The following UBR1 variants were observed in gnomAD, a reference collection of about 807,000 sequenced individuals.
UBR1 encodes the protein ubiquitin protein ligase E3 component n-recognin 1.
UBR1 carries 102 observed loss-of-function variants against 242.1 expected under a neutral mutation model. That is an observed-to-expected ratio of 0.42 (90% confidence interval 0.36 to 0.50). The LOEUF (loss-of-function observed/expected upper bound fraction) is 0.50. Among genes scored for constraint, UBR1 ranks in the 20% least tolerant of loss-of-function variants. The probability of loss-of-function intolerance (pLI) is 0.01; values close to 1 mark genes in which losing one functional copy is unlikely to be tolerated. For synonymous variants in UBR1, 675 were observed against 684.8 expected (o/e 0.99, Z 0.22); for missense variants, 1,772 against 2,101.8 (o/e 0.84, Z 3.07).
intron 14 of UBR1, among the ~76,000 whole-genome samples, chr15:43,046,766 T>C (rs1009740241): frequency 1.3e-5 from 2 of 152,198 alleles, no homozygotes; most frequent in Admixed American, 6.5e-5. Flanking sequence ...CTTAAGGAAA[T>C]ACATTAGTTC....
At chr15:42,998,309 G>A (rs966341236) in intron 32 of UBR1, 44 bp from the exon 33 acceptor site, 1 of 1,532,056 alleles carries the variant, frequency 6.5e-7, no homozygotes, top group African/African-American at 1.4e-5. Context: ...TGGGTACAAA[G>A]TCAAATGGAA....
chr15:43,013,258 A>T (rs1423656440), intron 29 of UBR1, among the ~76,000 whole-genome samples: 1 of 152,202 alleles, frequency 6.6e-6, no homozygotes, highest in Non-Finnish European at 1.5e-5. Flanking sequence ...AAAAGGGCCA[A>T]AGTGGGTACT....
At chr15:43,021,115 CAATAA>C in intron 27 of UBR1, 155 bp downstream of exon 27, 2 of 591,826 alleles carry the variant, frequency 3.4e-6, no homozygotes, top group Non-Finnish European at 5.8e-6. Context: ...TTTAAAACTA[CAATAA>C]AATATAGGAA....
At chr15:42,971,604 C>T (rs1168071431) in intron 39 of UBR1, among the ~76,000 whole-genome samples, 1 of 152,190 alleles carries the variant, frequency 6.6e-6, no homozygotes, top group East Asian at 1.9e-4. Flanking sequence ...TTTATCATAT[C>T]TTGAATGAAT....
Position 43,030,175 on chromosome 15 carries a change from T to C in UBR1, c.2255-107A>G, listed in dbSNP as rs1020530741. Reference sequence around the variant, plus strand: ...ACAGAACACTGCATTAAATTAAATCTGTGAGAGAGGGGCAAAAGTTATTTG... The same window carrying C: ...ACAGAACACTGCATTAAATTAAATCCGTGAGAGAGGGGCAAAAGTTATTTG... On this transcript the variant is annotated intron_variant, in intron 20 of 46. Coordinates refer to ENST00000290650, the MANE Select transcript of UBR1 (RefSeq NM_174916.3). The C allele has an allele frequency of 1.8e-5, 24 of 1,304,102 alleles. No homozygotes were observed. In the African/African-American group the frequency reaches 3.1e-4, roughly 17 times the overall value. 80.8% of individuals were successfully genotyped at this position (1,304,102 alleles called of 1,614,324 possible). A position where few individuals can be genotyped will look rare whatever the true frequency, so the allele number is the denominator to read the frequency against.
intron 42 of UBR1, among the ~76,000 whole-genome samples, chr15:42,962,737 G>T (rs1251834484): frequency 6.6e-6 from 1 of 152,124 alleles, no homozygotes; most frequent in African/African-American, 2.4e-5. Context: ...TGATCCACCT[G>T]CCTTGGACTC....
At chr15:43,029,905 T>A in intron 21 of UBR1, 39 bp downstream of exon 21, 1 of 1,611,538 alleles carries the variant, frequency 6.2e-7, no homozygotes, top group Non-Finnish European at 8.5e-7. Flanking sequence ...ATCTACCCCA[T>A]CTTGAGGTAC....
At chr15:43,105,476 C>T (rs2034285275) in intron 1 of UBR1, among the ~76,000 whole-genome samples, 1 of 152,182 alleles carries the variant, frequency 6.6e-6, no homozygotes, top group Non-Finnish European at 1.5e-5. Context: ...TACGCAAGGA[C>T]AATTACTACA....
At chr15:42,979,801 A>G (rs6493073) in intron 37 of UBR1, among the ~76,000 whole-genome samples, 150,309 of 152,262 alleles carry the variant, frequency 0.99, 74,221 homozygotes, top group East Asian at 1. Flanking sequence ...CAAGAGGTCC[A>G]CCTCCCCTGG....
intron 43 of UBR1, 58 bp from the exon 44 acceptor site, chr15:42,958,148 C>T: frequency 1.6e-6 from 2 of 1,227,840 alleles, no homozygotes; most frequent in East Asian, 2.3e-5. Flanking sequence ...AGATCAAAAA[C>T]TGCCCAAAGT....
At chr15:43,023,598 CAAAAAAAAAAAAAAA>C (rs35071600) in intron 25 of UBR1, among the ~76,000 whole-genome samples, 2 of 39,956 alleles carry the variant, frequency 5.0e-5, no homozygotes, top group Admixed American at 4.7e-4. Flanking sequence ...AACTCCATCT[CAAAAAAAAAAAAAAA>C]AAAAAAAAAA....
At chr15:43,040,051 C>A (rs760810598) in intron 15 of UBR1, among the ~76,000 whole-genome samples, 98 of 152,200 alleles carry the variant, frequency 6.4e-4, no homozygotes, top group Middle Eastern at 3.4e-3. Context: ...TTAATGCCAT[C>A]CCCATCAAGC....
intron 29 of UBR1, among the ~76,000 whole-genome samples, chr15:43,009,930 G>A (rs985968208): frequency 2.0e-5 from 3 of 152,204 alleles, no homozygotes; most frequent in African/African-American, 2.4e-5. Flanking sequence ...GAGTGCAGTG[G>A]CGCGATCTCG....
chr15:42,993,547 T>C (rs904328157), intron 33 of UBR1, among the ~76,000 whole-genome samples: 1 of 152,082 alleles, frequency 6.6e-6, no homozygotes, highest in Non-Finnish European at 1.5e-5. Flanking sequence ...TTTGTATTTT[T>C]AGTAGAGACG....
intron 29 of UBR1, among the ~76,000 whole-genome samples, chr15:43,009,931 C>T (rs374824010): frequency 7.2e-5 from 11 of 152,146 alleles, no homozygotes; most frequent in South Asian, 2.1e-4. Flanking sequence ...AGTGCAGTGG[C>T]GCGATCTCGG....
intron 29 of UBR1, among the ~76,000 whole-genome samples, chr15:43,008,581 G>C (rs538982902): frequency 6.6e-6 from 1 of 152,392 alleles, no homozygotes; most frequent in East Asian, 1.9e-4. Flanking sequence ...GAGGCAGACA[G>C]GTTCCTAGGC....
chr15:42,974,465 C>T (rs903583687), intron 39 of UBR1, among the ~76,000 whole-genome samples: 3 of 152,186 alleles, frequency 2.0e-5, no homozygotes, highest in African/African-American at 4.8e-5. Context: ...GTCTTTATTA[C>T]TGTAGCTTTA....
At chr15:43,092,802 T>C (rs1280572943) in intron 1 of UBR1, among the ~76,000 whole-genome samples, 2 of 152,226 alleles carry the variant, frequency 1.3e-5, no homozygotes, top group Non-Finnish European at 2.9e-5. Context: ...TCCGCCTGCC[T>C]TGGCCTCCCA....
intron 1 of UBR1, among the ~76,000 whole-genome samples, chr15:43,102,241 C>T (rs1192255705): frequency 1.3e-5 from 2 of 152,178 alleles, no homozygotes; most frequent in East Asian, 3.9e-4. Context: ...ATCTTTCTCA[C>T]ATTCATCCTC....
Sources: allele counts gnomAD v4.1 joint callset (sites outside exome capture counted in the v4.1 genomes callset), GRCh38; gene constraint gnomAD v4.1.1; transcripts MANE v1.5; gene names NCBI Gene and HGNC (gene_info 2026-07-23, HGNC 2026-07-21).